The following RELN variants were observed in gnomAD, a reference collection of about 807,000 sequenced individuals.
RELN encodes the protein reelin.
A neutral mutation model predicts 427.6 loss-of-function variants in RELN; 108 were observed. That is an observed-to-expected ratio of 0.25 (90% CI 0.22 to 0.30). The LOEUF (loss-of-function observed/expected upper bound fraction) is 0.30. RELN is among the 10% of genes least tolerant of loss of function. The probability of loss-of-function intolerance (pLI) is 1.00; values close to 1 mark genes in which losing one functional copy is unlikely to be tolerated. For synonymous variants in RELN, 1,524 were observed against 1,513.4 expected, an observed-to-expected ratio of 1.01 and a Z score of -0.16; for missense variants, 3,715 against 4,302.8, an observed-to-expected ratio of 0.86 and a Z score of 3.82.
In RELN at chr7:103,545,161, G is replaced by T. The variant is rs1237678194; in HGVS notation, c.6486C>A (p.Ser2162Arg). 1 of 1,613,874 alleles carries T rather than the reference G, an allele frequency of 6.2e-7. No homozygotes were observed. The highest frequency in any genetic ancestry group is 1.3e-5 in the African/African-American group (1 of 74,918). The change falls in exon 42 of 65, where the codon AGC becomes AGA. Residue 2162 changes from serine (S) to arginine (R), a missense_variant. Physicochemically the swap from Ser to Arg is moderately radical, Grantham distance 110. Coordinates refer to ENST00000428762, the MANE Select transcript of RELN (RefSeq NM_005045.4). ...CTTTGAGAAAATCAGGATTTTTGGT[G>T]CTTATTTTACAGGTTGGACCTGAGT... ...PGYSGPTCKI[S>R]TKNPDFLKDD... is the part of the protein sequence containing the mutation.
intron 8 of RELN, among the ~76,000 whole-genome samples, chr7:103,719,252 C>CCTAGA (rs1353304849): frequency 1.3e-5 from 2 of 152,064 alleles, no homozygotes; most frequent in African/African-American, 4.8e-5. Context: ...TAGGAGGGCA[C>CCTAGA]GCATGTTCCC....
chr7:103,812,328 G>A (rs1792763669), intron 3 of RELN, among the ~76,000 whole-genome samples: 1 of 152,134 alleles, frequency 6.6e-6, no homozygotes. Context: ...CTGACCTTGT[G>A]CACAGAGTCT....
chr7:103,901,780 A>AT (rs1795090161), intron 2 of RELN, among the ~76,000 whole-genome samples: 1 of 151,924 alleles, frequency 6.6e-6, no homozygotes. Context: ...TAGATACAGG[A>AT]TTTTTTTCTG....
chr7:103,475,891 A>AT (rs5886257), intron 64 of RELN, among the ~76,000 whole-genome samples: 20,684 of 151,962 alleles, frequency 0.14, 1,761 homozygotes, highest in East Asian at 0.29. Flanking sequence ...TTTAAATAAC[A>AT]TTTTTTTCTT....
rs1584262859 is a variant in RELN at position 103,523,447 on chromosome 7, C to A, written c.7434G>T (p.Gly2478=). The change falls in exon 47 of 65, where the codon GGG becomes GGT. Residue 2478 remains glycine, a synonymous_variant. Coordinates refer to ENST00000428762, the MANE Select transcript of RELN (RefSeq NM_005045.4). ...QTWAIDNVYI[G]DGCIDMCSGH... is the part of the protein sequence containing the mutation. ...CACTGCACATGTCTATGCAGCCATC[C>A]CCGATATAGACATTATCTATTGCCC... 2 of 1,614,060 alleles carry A rather than the reference C, an allele frequency of 1.2e-6. No individual in the cohort carries two copies.
At chr7:103,561,743 G>T (rs754799729) in intron 35 of RELN, 34 bp from the exon 36 acceptor site, 1 of 1,613,576 alleles carries the variant, frequency 6.2e-7, no homozygotes, top group Non-Finnish European at 8.5e-7. Context: ...AAAGACATTT[G>T]TCACACGTTC....
intron 53 of RELN, among the ~76,000 whole-genome samples, chr7:103,499,694 T>C (rs1180545302): frequency 6.6e-6 from 1 of 152,238 alleles, no homozygotes; most frequent in Non-Finnish European, 1.5e-5. Context: ...CGTTTTATAA[T>C]TGAAAGCTTG....
intron 3 of RELN, among the ~76,000 whole-genome samples, chr7:103,781,041 C>T (rs1023717462): frequency 6.6e-6 from 1 of 152,170 alleles, no homozygotes; most frequent in East Asian, 1.9e-4. Flanking sequence ...TTAGAACCCT[C>T]AGATAACATT....
rs547592450 is a variant in RELN at position 103,665,624 on chromosome 7, T to C, written c.1290-4097A>G. Among the ~76,000 whole-genome samples, 36 of 152,276 alleles carry C rather than the reference T, an allele frequency of 2.4e-4. 1 individual carries two copies. The highest frequency in any genetic ancestry group is 8.2e-4 in the African/African-American group (34 of 41,564). On this transcript the variant is annotated intron_variant, in intron 11 of 64. Transcript: ENST00000428762. ...TTGTTGCTTCTTTGTAAATAATCTT[T>C]CTTTCTCTCTGGTTGCTTTTTTGTC...
intron 46 of RELN, among the ~76,000 whole-genome samples, chr7:103,531,732 G>C (rs1170800520): frequency 6.6e-6 from 1 of 151,970 alleles, no homozygotes; most frequent in Non-Finnish European, 1.5e-5. Flanking sequence ...TTTGTTTTCT[G>C]GTTAGAATGG....
Position 103,702,955 on chromosome 7 carries a change from T to C in RELN, c.806-1949A>G, listed in dbSNP as rs1363768378. On this transcript the variant is annotated intron_variant, in intron 8 of 64. Coordinates refer to ENST00000428762, the MANE Select transcript of RELN (RefSeq NM_005045.4). The stretch of plus-strand genomic sequence containing the variant: ...CAGTAGGCTAAAGGTGTACAGTTCC[T>C]ACAGATCAAATGTGTACCCTGAGAA... 2.0e-5 allele frequency among the ~76,000 whole-genome samples: 3 copies of C among 152,302 alleles called. No homozygotes were observed. In the South Asian group the frequency reaches 6.2e-4, roughly 32 times the overall value.
At chr7:103,507,895 AC>A (rs1829269410) in intron 51 of RELN, among the ~76,000 whole-genome samples, 1 of 152,252 alleles carries the variant, frequency 6.6e-6, no homozygotes, top group Non-Finnish European at 1.5e-5. Flanking sequence ...GTCAGAGAAT[AC>A]TATAAACACC....
intron 2 of RELN, among the ~76,000 whole-genome samples, chr7:103,907,033 C>G (rs979323809): frequency 1.3e-5 from 2 of 152,066 alleles, no homozygotes; most frequent in Non-Finnish European, 2.9e-5. Context: ...CAACAAAAGA[C>G]ATATCCATAC....
intron 50 of RELN, among the ~76,000 whole-genome samples, chr7:103,514,664 AAG>A (rs35868880): frequency 0.013 from 1,984 of 152,258 alleles, 44 homozygotes; most frequent in African/African-American, 0.045. Flanking sequence ...ACTTAAAAAA[AAG>A]AGAGGAGTAC....
intron 1 of RELN, among the ~76,000 whole-genome samples, chr7:103,960,689 C>T (rs1402828045): frequency 2.0e-5 from 3 of 152,180 alleles, no homozygotes; most frequent in African/African-American, 4.8e-5. Flanking sequence ...AAGATACTTA[C>T]ATATTTCATT....
At chr7:103,579,582 A>G (rs960348974) in intron 28 of RELN, among the ~76,000 whole-genome samples, 6 of 150,826 alleles carry the variant, frequency 4.0e-5, no homozygotes, top group Non-Finnish European at 8.9e-5. Flanking sequence ...CTTGGTGACA[A>G]AGTAAGACTC....
rs558525692 is a variant in RELN, at chr7:103,663,914, C to T, written c.1290-2387G>A. ...ATGGTCTTATATAGAGGACTGACCT[C>T]TATGGCCCCAGGTGCCTGTTCCCTT... is the stretch of plus-strand genomic sequence containing the variant. On this transcript the variant is annotated intron_variant, in intron 11 of 64. Coordinates refer to ENST00000428762, the MANE Select transcript of RELN (RefSeq NM_005045.4). Among the ~76,000 whole-genome samples, 8 of 140,456 alleles carry T rather than the reference C, an allele frequency of 5.7e-5. No individual in the cohort carries two copies. The South Asian group carries it at 1.3e-3, about 23-fold the overall frequency. 92.1% of individuals were successfully genotyped at this position (140,456 alleles called of 152,430 possible).
At chr7:103,829,298 T>A (rs1793218809) in intron 3 of RELN, among the ~76,000 whole-genome samples, 1 of 151,678 alleles carries the variant, frequency 6.6e-6, no homozygotes, top group Non-Finnish European at 1.5e-5. Flanking sequence ...CTTTCTTTCC[T>A]TCCCTCTTTC....
chr7:103,928,274 C>T (rs554216451), intron 1 of RELN, among the ~76,000 whole-genome samples: 44 of 152,278 alleles, frequency 2.9e-4, no homozygotes, highest in African/African-American at 1.1e-3. Flanking sequence ...ACAATTATTA[C>T]TTTTTAGTCA....
Sources: allele counts gnomAD v4.1 joint callset (sites outside exome capture counted in the v4.1 genomes callset), GRCh38; gene constraint gnomAD v4.1.1; transcripts MANE v1.5; gene names NCBI Gene and HGNC (gene_info 2026-07-23, HGNC 2026-07-21).